TBXAS1: variants seen among roughly 807,000 people sequenced by gnomAD.
TBXAS1 encodes thromboxane-A synthase.
TBXAS1 carries 48 observed loss-of-function variants against 60.7 expected under a neutral mutation model. The ratio of observed to expected loss-of-function variants is 0.79; its 90% CI spans 0.63 to 1.01. TBXAS1 has a LOEUF of 1.01. Among genes scored for constraint, TBXAS1 ranks in the 50% least tolerant of loss-of-function variants. The pLI is 0.00. For missense variants in TBXAS1, 685 were observed against 686.3 expected (o/e 1.00, Z 0.02); for synonymous variants, 287 against 269.7 (o/e 1.06, Z -0.63).
chr7:139,785,656 A>G (rs1797168701), intron 3 of TBXAS1, among the ~76,000 whole-genome samples: 1 of 152,032 alleles, frequency 6.6e-6, no homozygotes, highest in Non-Finnish European at 1.5e-5. Flanking sequence ...GATTGTTGAC[A>G]ACATTGGCTT....
chr7:139,871,885 T>C (rs761397649), intron 1 of TBXAS1, among the ~76,000 whole-genome samples: 2 of 152,204 alleles, frequency 1.3e-5, no homozygotes, highest in Non-Finnish European at 2.9e-5. Flanking sequence ...TCGTGATAGA[T>C]TTAGAGGCAA....
chr7:140,006,219 A>G (rs1814067352), intron 9 of TBXAS1, among the ~76,000 whole-genome samples: 1 of 152,204 alleles, frequency 6.6e-6, no homozygotes, highest in African/African-American at 2.4e-5. Flanking sequence ...CAGATAACTC[A>G]TTCCACCTCT....
At chr7:140,018,569 C>A (rs1815287007) in intron 12 of TBXAS1, among the ~76,000 whole-genome samples, 1 of 152,172 alleles carries the variant, frequency 6.6e-6, no homozygotes, top group Non-Finnish European at 1.5e-5. Context: ...CCCCCCACAT[C>A]ACACACTCCA....
intron 9 of TBXAS1, among the ~76,000 whole-genome samples, chr7:139,990,688 C>T (rs777356594): frequency 5.9e-4 from 90 of 151,914 alleles, no homozygotes; most frequent in African/African-American, 4.6e-4. Context: ...TCCCCACCCC[C>T]GGCACTGTGC....
At chr7:139,781,566 T>C (rs1796989829) in intron 2 of TBXAS1, among the ~76,000 whole-genome samples, 1 of 152,134 alleles carries the variant, frequency 6.6e-6, no homozygotes, top group Non-Finnish European at 1.5e-5. Flanking sequence ...GTGCTGTGGC[T>C]CACGCCTGTA....
At chr7:139,882,773 C>T (rs1038409900) in intron 3 of TBXAS1, among the ~76,000 whole-genome samples, 4 of 152,234 alleles carry the variant, frequency 2.6e-5, no homozygotes, top group Admixed American at 6.5e-5. Context: ...TTCATGAAAG[C>T]GTTGAAAGCA....
intron 9 of TBXAS1, among the ~76,000 whole-genome samples, chr7:139,986,761 G>A (rs398089025): frequency 0.084 from 3,431 of 40,906 alleles, 58 homozygotes; most frequent in Non-Finnish European, 0.1. Context: ...ATATATGTGT[G>A]TGTGTGTGTG....
At chr7:139,928,403 C>G (rs981894043) in intron 4 of TBXAS1, among the ~76,000 whole-genome samples, 2 of 152,172 alleles carry the variant, frequency 1.3e-5, no homozygotes, top group Non-Finnish European at 2.9e-5. Context: ...TGTCTATGTT[C>G]ACGAGTGACA....
At chr7:139,840,707 TA>T (rs1799375999) in intron 1 of TBXAS1, among the ~76,000 whole-genome samples, 1 of 152,172 alleles carries the variant, frequency 6.6e-6, no homozygotes, top group Non-Finnish European at 1.5e-5. Context: ...AGGGTTGACG[TA>T]TTGTTTCCTT....
At chr7:139,794,811 A>G (rs1481780703) in intron 4 of TBXAS1, among the ~76,000 whole-genome samples, 1 of 151,116 alleles carries the variant, frequency 6.6e-6, no homozygotes, top group African/African-American at 2.5e-5. Context: ...GATGTTTTCC[A>G]GTTTCATCCA....
intron 4 of TBXAS1, among the ~76,000 whole-genome samples, chr7:139,808,756 C>T (rs551010103): frequency 6.6e-6 from 1 of 152,288 alleles, no homozygotes; most frequent in African/African-American, 2.4e-5. Context: ...ACACACCTGT[C>T]TCACCTCCTA....
intron 1 of TBXAS1, among the ~76,000 whole-genome samples, chr7:139,850,992 G>T (rs1010631979): frequency 1.3e-5 from 2 of 152,222 alleles, no homozygotes; most frequent in Non-Finnish European, 2.9e-5. Flanking sequence ...CACCCGGTTT[G>T]TGGCAATTTG....
chr7:139,988,370 G>A (rs576178980), intron 9 of TBXAS1, among the ~76,000 whole-genome samples: 1 of 152,312 alleles, frequency 6.6e-6, no homozygotes, highest in South Asian at 2.1e-4. Flanking sequence ...CATCACACTT[G>A]CGCTGTTCTG....
intron 1 of TBXAS1, among the ~76,000 whole-genome samples, chr7:139,861,174 CA>C (rs11336231): frequency 0.28 from 36,092 of 129,858 alleles, 4,542 homozygotes; most frequent in South Asian, 0.52. Flanking sequence ...AACTCTGTCT[CA>C]AAAAAAAAAA....
chr7:140,019,343 T>G (rs891266753), intron 12 of TBXAS1, among the ~76,000 whole-genome samples: 2 of 152,170 alleles, frequency 1.3e-5, no homozygotes, highest in African/African-American at 4.8e-5. Flanking sequence ...CTTCCACGTG[T>G]GCGGGGCTTG....
At chr7:139,945,871 C>T (rs532258510) in intron 5 of TBXAS1, among the ~76,000 whole-genome samples, 4 of 152,284 alleles carry the variant, frequency 2.6e-5, no homozygotes, top group African/African-American at 9.6e-5. Context: ...TCTGTGGTCT[C>T]ATCTGAAGGC....
chr7:139,971,280 T>C (rs951444441), intron 9 of TBXAS1, among the ~76,000 whole-genome samples: 14 of 152,138 alleles, frequency 9.2e-5, no homozygotes, highest in Non-Finnish European at 1.8e-4. Flanking sequence ...GAGGGGCCTC[T>C]CTGGGTGTGT....
intron 1 of TBXAS1, among the ~76,000 whole-genome samples, chr7:139,848,484 C>T (rs530302303): frequency 6.6e-6 from 1 of 152,242 alleles, no homozygotes; most frequent in South Asian, 2.1e-4. Context: ...AACAAACCAC[C>T]CCAAGCTCAT....
At chr7:139,859,546 A>G (rs531741673) in intron 1 of TBXAS1, among the ~76,000 whole-genome samples, 1 of 152,252 alleles carries the variant, frequency 6.6e-6, no homozygotes, top group African/African-American at 2.4e-5. Flanking sequence ...ACTGATTTTC[A>G]CTTATGATCA....
Sources: allele counts gnomAD v4.1 joint callset (sites outside exome capture counted in the v4.1 genomes callset), GRCh38; gene constraint gnomAD v4.1.1; transcripts MANE v1.5; gene names NCBI Gene and HGNC (gene_info 2026-07-23, HGNC 2026-07-21).